Variants in AVEN observed in about 807,000 individuals in gnomAD.
The protein encoded by AVEN is apoptosis and caspase activation inhibitor.
In AVEN, 41 loss-of-function variants were observed where a neutral mutation model predicts 38.1. The ratio of observed to expected loss-of-function variants is 1.08; its 90% confidence interval spans 0.84 to 1.40. The LOEUF (loss-of-function observed/expected upper bound fraction) is 1.40, where lower values mean the gene tolerates loss of function less well. AVEN is among the 40% of genes most tolerant of loss of function. AVEN has a pLI of 0.00. For synonymous variants in AVEN, 206 were observed against 171.8 expected, an observed-to-expected ratio of 1.20 and a Z score of -1.56; for missense variants, 605 against 438.8, an observed-to-expected ratio of 1.38 and a Z score of -3.38.
chr15:33,857,419 TAAC>T (rs2079806171), downstream of AVEN, among the ~76,000 whole-genome samples: 3 of 152,054 alleles, frequency 2.0e-5, no homozygotes, highest in South Asian at 2.1e-4. Context: ...GGGCCCATCT[TAAC>T]AACCTCAGTT....
intron 2 of AVEN, among the ~76,000 whole-genome samples, chr15:33,911,750 TA>T (rs995958961): frequency 6.6e-6 from 1 of 152,110 alleles, no homozygotes. Context: ...ACTGGCAATA[TA>T]AAAAAACATA....
intron 2 of AVEN, among the ~76,000 whole-genome samples, chr15:33,943,322 G>C (rs182992266): frequency 2.4e-4 from 36 of 152,234 alleles, no homozygotes; most frequent in Non-Finnish European, 4.7e-4. Context: ...TGAACCTTGA[G>C]GACATTATTA....
At chr15:33,907,901 G>A (rs1227454882) in intron 2 of AVEN, among the ~76,000 whole-genome samples, 1 of 151,274 alleles carries the variant, frequency 6.6e-6, no homozygotes, top group African/African-American at 2.4e-5. Context: ...GAGTGAAGAA[G>A]ACCTTTATAA....
downstream of AVEN, chr15:33,854,461 A>C (rs1219022622): frequency 7.7e-6 from 12 of 1,552,228 alleles, no homozygotes; most frequent in Admixed American, 1.0e-4. Context: ...TAAGTACTGC[A>C]CCTGGAAAAA....
At chr15:33,912,588 G>A (rs1326896190) in intron 2 of AVEN, among the ~76,000 whole-genome samples, 1 of 152,182 alleles carries the variant, frequency 6.6e-6, no homozygotes, top group Admixed American at 6.6e-5. Flanking sequence ...CTCTCAAAGA[G>A]GATACTTCAG....
chr15:33,866,429 A>G lies in AVEN; in HGVS notation c.*184T>C. 1 of 589,594 alleles carries G rather than the reference A, an allele frequency of 1.7e-6. No homozygotes were observed. The highest frequency in any genetic ancestry group is 3.0e-6 in the Non-Finnish European group (1 of 332,630). The allele number at this position is 589,594 out of a possible 1,614,324, so 36.5% of individuals were successfully genotyped here. On this transcript the variant is annotated 3_prime_UTR_variant, in exon 6 of 6. Coordinates refer to ENST00000306730, the MANE Select transcript of AVEN (RefSeq NM_020371.3). ...TTACTAAGCCAGAAAAACAAATGCAACAAGCTGCTTCAATGTATTCTTTCA... is the reference window on the plus strand; with the variant it reads ...TTACTAAGCCAGAAAAACAAATGCAGCAAGCTGCTTCAATGTATTCTTTCA...
intron 2 of AVEN, among the ~76,000 whole-genome samples, chr15:33,956,988 AT>A (rs1894980521): frequency 6.6e-6 from 1 of 152,136 alleles, no homozygotes; most frequent in Non-Finnish European, 1.5e-5. Context: ...ATTGTCTGAT[AT>A]TTAGAATTTC....
chr15:33,901,242 G>C (rs556972519), intron 2 of AVEN, among the ~76,000 whole-genome samples: 1 of 152,194 alleles, frequency 6.6e-6, no homozygotes, highest in South Asian at 2.1e-4. Flanking sequence ...ACTCCAGCCT[G>C]GGCGACAGAG....
intron 2 of AVEN, among the ~76,000 whole-genome samples, chr15:33,907,517 C>G: frequency 6.6e-6 from 1 of 152,144 alleles, no homozygotes; most frequent in Non-Finnish European, 1.5e-5. Context: ...GCTAAGTCAG[C>G]TCATCAGGAA....
At chr15:33,909,806 C>T (rs1247538465) in intron 2 of AVEN, among the ~76,000 whole-genome samples, 1 of 152,118 alleles carries the variant, frequency 6.6e-6, no homozygotes, top group Non-Finnish European at 1.5e-5. Flanking sequence ...CACAACTTTG[C>T]ATTTATGTAG....
chr15:34,019,450 A>G (rs551520390), intron 1 of AVEN, among the ~76,000 whole-genome samples: 1 of 152,206 alleles, frequency 6.6e-6, no homozygotes, highest in Non-Finnish European at 1.5e-5. Flanking sequence ...AAAAAAGCAT[A>G]AGTTTAGTGT....
At chr15:33,862,651 C>G (rs1165390448), downstream of AVEN, among the ~76,000 whole-genome samples, 22 of 152,166 alleles carry the variant, frequency 1.4e-4, no homozygotes, top group Admixed American at 1.4e-3. Flanking sequence ...GTCTCTGTCA[C>G]CCAGGCTGAA....
chr15:33,897,764 C>T (rs977184474), intron 2 of AVEN, among the ~76,000 whole-genome samples: 9 of 152,072 alleles, frequency 5.9e-5, no homozygotes, highest in African/African-American at 2.2e-4. Context: ...CACCTACAGT[C>T]TTAGCTACTT....
At chr15:33,885,287 T>C (rs1230017312) in intron 2 of AVEN, among the ~76,000 whole-genome samples, 5 of 152,152 alleles carry the variant, frequency 3.3e-5, no homozygotes, top group Non-Finnish European at 7.4e-5. Context: ...CTATGAAAGA[T>C]GACATATTTG....
intron 11 of AVEN, chr15:33,861,218 C>G (rs778913890): frequency 2.7e-6 from 4 of 1,468,774 alleles, no homozygotes; most frequent in Middle Eastern, 1.7e-4. Flanking sequence ...GCAGCTGTAG[C>G]GTAAATAAAG....
intron 11 of AVEN, chr15:33,860,956 T>A: frequency 1.3e-6 from 1 of 756,904 alleles, no homozygotes; most frequent in African/African-American, 1.9e-5. Flanking sequence ...AGTGAATGAC[T>A]AATAGCCAAA....
intron 2 of AVEN, among the ~76,000 whole-genome samples, chr15:33,915,197 C>A (rs997727249): frequency 2.6e-5 from 4 of 152,158 alleles, no homozygotes; most frequent in Non-Finnish European, 4.4e-5. Context: ...CCACTCAGAG[C>A]AGCATGTGGA....
chr15:33,872,084 G>C (rs1361882775), intron 3 of AVEN, among the ~76,000 whole-genome samples: 1 of 152,194 alleles, frequency 6.6e-6, no homozygotes, highest in East Asian at 1.9e-4. Context: ...TCTGGCTGCA[G>C]ACAGGAGCAG....
chr15:33,881,531 A>G (rs894348560), intron 2 of AVEN, among the ~76,000 whole-genome samples: 3 of 152,244 alleles, frequency 2.0e-5, no homozygotes, highest in African/African-American at 7.2e-5. Flanking sequence ...TAAACTTGGT[A>G]AAATGACTAC....
Sources: allele counts gnomAD v4.1 joint callset (sites outside exome capture counted in the v4.1 genomes callset), GRCh38; gene constraint gnomAD v4.1.1; transcripts MANE v1.5; gene names NCBI Gene and HGNC (gene_info 2026-07-23, HGNC 2026-07-21).